Variants in SGCD observed in about 807,000 individuals in gnomAD.
SGCD encodes sarcoglycan delta.
SGCD carries 18 observed loss-of-function variants against 36.6 expected under a neutral mutation model. The observed-to-expected ratio is 0.49, with a 90% confidence interval of 0.34 to 0.73. The LOEUF is 0.73. Ranked by LOEUF, SGCD falls within the 30% of genes least tolerant of loss-of-function variation. The pLI is 0.01. For synonymous variants in SGCD, 133 were observed against 130.6 expected, an observed-to-expected ratio of 1.02 and a Z score of -0.12; for missense variants, 387 against 346.7, an observed-to-expected ratio of 1.12 and a Z score of -0.92.
At position 156,572,970 on chromosome 5, in the gene SGCD, G is replaced by A. The variant is rs113919950; in HGVS notation, c.295-16261G>A. ...TTTGACCAGCCAAGAAAGAAATTTA[G>A]GGTACACAAAAATAATTAAGAAATG... On this transcript the variant is annotated intron_variant, in intron 4 of 8. Transcript: ENST00000337851. 2.2e-3 allele frequency among the ~76,000 whole-genome samples: 336 copies of A among 152,130 alleles called. 1 individual carries two copies. Among genetic ancestry groups the A allele is most frequent in the African/African-American group, 7.6e-3 (316 of 41,498 alleles).
At chr5:156,666,744 C>T (rs925563726) in intron 7 of SGCD, among the ~76,000 whole-genome samples, 12 of 151,718 alleles carry the variant, frequency 7.9e-5, no homozygotes, top group Non-Finnish European at 1.3e-4. Flanking sequence ...TCAGAGAGCA[C>T]GGGGTTGGGG....
At chr5:155,854,265 G>A in the SGCD span, among the ~76,000 whole-genome samples, 2 of 152,048 alleles carry the variant, frequency 1.3e-5, no homozygotes, top group Non-Finnish European at 2.9e-5. Flanking sequence ...TCCACCAGTT[G>A]TGACAACTAG....
chr5:156,469,890 G>A (rs1411471327), intron 3 of SGCD, among the ~76,000 whole-genome samples: 3 of 152,212 alleles, frequency 2.0e-5, no homozygotes, highest in Admixed American at 6.5e-5. Flanking sequence ...ATTCAGAGAT[G>A]CGTAAACATG....
chr5:156,122,480 A>G (rs1762065256), intron 2 of SGCD, among the ~76,000 whole-genome samples: 1 of 152,138 alleles, frequency 6.6e-6, no homozygotes. Flanking sequence ...ACATTTGAGC[A>G]AAGACGTGAA....
the SGCD span, among the ~76,000 whole-genome samples, chr5:155,750,851 G>T: frequency 3.3e-5 from 5 of 152,084 alleles, no homozygotes; most frequent in Admixed American, 2.6e-4. Context: ...GTTCATAACA[G>T]CCCTTACCCC....
At chr5:156,250,433 C>T (rs1765545781) in intron 3 of SGCD, among the ~76,000 whole-genome samples, 1 of 152,046 alleles carries the variant, frequency 6.6e-6, no homozygotes, top group South Asian at 2.1e-4. Context: ...ATTTGCTTTA[C>T]CCAGTATAAT....
intron 1 of SGCD, among the ~76,000 whole-genome samples, chr5:156,039,199 C>T (rs1759575703): frequency 6.7e-6 from 1 of 148,678 alleles, no homozygotes; most frequent in Admixed American, 6.6e-5. Context: ...TCCTGTCATA[C>T]CCTATGCCTC....
At chr5:156,148,058 G>A (rs749285339) in intron 3 of SGCD, among the ~76,000 whole-genome samples, 4 of 152,136 alleles carry the variant, frequency 2.6e-5, no homozygotes, top group East Asian at 1.9e-4. Flanking sequence ...TTTTTCTGCC[G>A]CTAGAACTAC....
intron 3 of SGCD, among the ~76,000 whole-genome samples, chr5:156,274,428 G>A (rs1318994193): frequency 6.6e-6 from 1 of 151,696 alleles, no homozygotes; most frequent in African/African-American, 2.4e-5. Flanking sequence ...TGGCCTATGA[G>A]CATATTAGCT....
At chr5:155,923,219 A>G (rs1182943966) in intron 1 of SGCD, among the ~76,000 whole-genome samples, 1 of 150,104 alleles carries the variant, frequency 6.7e-6, no homozygotes, top group Non-Finnish European at 1.5e-5. Flanking sequence ...GTTACATAAT[A>G]CATGAATAAT....
At chr5:155,913,528 A>G (rs574726997) in intron 1 of SGCD, among the ~76,000 whole-genome samples, 1 of 152,282 alleles carries the variant, frequency 6.6e-6, no homozygotes, top group Admixed American at 6.5e-5. Context: ...CTAATTATCT[A>G]ATCCTTAAAT....
chr5:156,154,323 G>A (rs1762897859), intron 3 of SGCD, among the ~76,000 whole-genome samples: 1 of 151,556 alleles, frequency 6.6e-6, no homozygotes, highest in Admixed American at 6.6e-5. Flanking sequence ...CTCTCTCTTA[G>A]ATCTTCAAGC....
chr5:156,757,290 A>AAAG (rs2113175165), intron 7 of SGCD, among the ~76,000 whole-genome samples: 1 of 147,898 alleles, frequency 6.8e-6, no homozygotes, highest in Non-Finnish European at 1.5e-5. Context: ...AAAAAAAAAA[A>AAAG]GCTTATATGA....
chr5:155,904,083 G>A (rs1402496619), intron 1 of SGCD, among the ~76,000 whole-genome samples: 13 of 152,198 alleles, frequency 8.5e-5, no homozygotes, highest in Admixed American at 8.5e-4. Context: ...CTGTGAGGAA[G>A]TGTGAAAATA....
chr5:156,504,392 G>GTATATATA lies in SGCD; in HGVS notation c.193-4183_193-4176dup, dbSNP rs59580975. 7.5e-3 allele frequency among the ~76,000 whole-genome samples: 561 copies of GTATATATA among 74,948 alleles called. 2 individuals carry two copies. The highest frequency in any genetic ancestry group is 9.3e-3 in the African/African-American group (242 of 25,888). 49.2% of individuals were successfully genotyped at this position (74,948 alleles called of 152,430 possible). On this transcript the variant is annotated intron_variant, in intron 3 of 8. Transcript: ENST00000337851. ...CATGAGTATATGTGGGTGTGTGTGT[G>GTATATATA]TATATATATATATATATATATATAT...
At chr5:156,306,240 G>A (rs187977012) in intron 3 of SGCD, among the ~76,000 whole-genome samples, 5 of 152,252 alleles carry the variant, frequency 3.3e-5, no homozygotes, top group Admixed American at 3.3e-4. Flanking sequence ...GACACCTGGT[G>A]GGAGGTAACT....
At chr5:156,610,849 G>A (rs1761766461) in intron 6 of SGCD, among the ~76,000 whole-genome samples, 1 of 152,248 alleles carries the variant, frequency 6.6e-6, no homozygotes, top group Admixed American at 6.5e-5. Flanking sequence ...GCCAGGCGCA[G>A]GATATAATCT....
At chr5:156,375,893 CTTTTA>C (rs1580893973) in intron 3 of SGCD, among the ~76,000 whole-genome samples, 1 of 152,066 alleles carries the variant, frequency 6.6e-6, no homozygotes, top group African/African-American at 2.4e-5. Context: ...AAAATTTTCT[CTTTTA>C]TTTATTTTTA....
chr5:155,916,077 A>G (rs766609894), intron 1 of SGCD, among the ~76,000 whole-genome samples: 3 of 152,216 alleles, frequency 2.0e-5, no homozygotes, highest in Non-Finnish European at 2.9e-5. Flanking sequence ...TCATTGTACA[A>G]ATTGAATTCT....
Sources: gnomAD v4.1 joint callset for allele counts (sites outside exome capture counted in the v4.1 genomes callset) on GRCh38, gnomAD v4.1.1 for gene constraint, MANE v1.5 for transcripts, NCBI Gene and HGNC (gene_info 2026-07-23, HGNC 2026-07-21) for gene names.